Variants in SLC2A13 observed in about 807,000 individuals in gnomAD.
The protein encoded by SLC2A13 is solute carrier family 2 member 13.
Under a neutral mutation model 64.4 loss-of-function variants are expected in SLC2A13, and 32 were observed. That is an observed-to-expected ratio of 0.50 (90% CI 0.37 to 0.67). The LOEUF (loss-of-function observed/expected upper bound fraction) is 0.67. Ranked by LOEUF, SLC2A13 falls within the 30% of genes least tolerant of loss-of-function variation. The pLI is 0.00. For synonymous variants in SLC2A13, 338 were observed against 327.1 expected, an observed-to-expected ratio of 1.03 and a Z score of -0.36; for missense variants, 743 against 829.2, an observed-to-expected ratio of 0.90 and a Z score of 1.28.
At chr12:39,840,729 T>G (rs1233484833) in intron 6 of SLC2A13, among the ~76,000 whole-genome samples, 2 of 152,224 alleles carry the variant, frequency 1.3e-5, no homozygotes, top group East Asian at 3.9e-4. Context: ...ATTATTATCA[T>G]GCATTCCATG....
At chr12:39,854,243 T>C (rs910355228) in intron 6 of SLC2A13, among the ~76,000 whole-genome samples, 14 of 151,950 alleles carry the variant, frequency 9.2e-5, no homozygotes, top group Non-Finnish European at 1.9e-4. Context: ...TAAAATTGGA[T>C]AATAATAATA....
intron 1 of SLC2A13, among the ~76,000 whole-genome samples, chr12:40,100,767 C>G (rs1182583551): frequency 6.6e-6 from 1 of 151,860 alleles, no homozygotes; most frequent in Non-Finnish European, 1.5e-5. Context: ...AGTTCGAGAC[C>G]AGCTTGGCCA....
At chr12:40,003,980 C>T (rs1442663386) in intron 3 of SLC2A13, among the ~76,000 whole-genome samples, 10 of 151,058 alleles carry the variant, frequency 6.6e-5, no homozygotes, top group African/African-American at 2.2e-4. Flanking sequence ...GCAATGAGAG[C>T]AAAACTCCAT....
intron 7 of SLC2A13, among the ~76,000 whole-genome samples, chr12:39,768,314 G>A (rs1308128897): frequency 6.6e-6 from 1 of 152,158 alleles, no homozygotes; most frequent in South Asian, 2.1e-4. Context: ...TCTTCATATC[G>A]GCAATAAGGC....
At chr12:40,028,564 C>G in intron 2 of SLC2A13, 55 bp from the exon 3 acceptor site, 1 of 1,546,754 alleles carries the variant, frequency 6.5e-7, no homozygotes, top group Non-Finnish European at 8.9e-7. Context: ...CCATCATGTG[C>G]TCACCACATA....
intron 4 of SLC2A13, among the ~76,000 whole-genome samples, chr12:39,874,076 G>A (rs1466647519): frequency 6.6e-6 from 1 of 152,094 alleles, no homozygotes; most frequent in Admixed American, 6.6e-5. Context: ...TTAATATCAC[G>A]ACACATAAAA....
chr12:40,036,122 A>G (rs1947980000), intron 2 of SLC2A13, among the ~76,000 whole-genome samples: 1 of 152,208 alleles, frequency 6.6e-6, no homozygotes, highest in Admixed American at 6.5e-5. Flanking sequence ...CCTATACTCC[A>G]GTAATCATCA....
intron 7 of SLC2A13, among the ~76,000 whole-genome samples, chr12:39,775,455 A>C (rs1320526209): frequency 6.6e-6 from 1 of 152,240 alleles, no homozygotes; most frequent in Admixed American, 6.5e-5. Flanking sequence ...TGTGAAGTTA[A>C]CAGGCTACGG....
At chr12:39,812,388 T>C (rs866786942) in intron 7 of SLC2A13, among the ~76,000 whole-genome samples, 39 of 124,906 alleles carry the variant, frequency 3.1e-4, no homozygotes, top group Middle Eastern at 4.5e-3. Flanking sequence ...TTTTCTTTCT[T>C]TCTCTCTCTC....
chr12:39,996,520 G>C (rs891424591), intron 3 of SLC2A13, among the ~76,000 whole-genome samples: 2 of 152,218 alleles, frequency 1.3e-5, no homozygotes, highest in Non-Finnish European at 2.9e-5. Context: ...GCATGTCAGA[G>C]GTCTTCACAG....
intron 4 of SLC2A13, among the ~76,000 whole-genome samples, chr12:39,887,335 C>A (rs190066343): frequency 2.6e-5 from 4 of 152,134 alleles, no homozygotes; most frequent in African/African-American, 9.6e-5. Flanking sequence ...AAGTTATATC[C>A]CAAAAGTACC....
Position 40,028,500 on chromosome 12 carries a change from C to T in SLC2A13, c.726G>A (p.Leu242=). 1 of 1,612,998 alleles carries T rather than the reference C, an allele frequency of 6.2e-7. No individual in the cohort carries two copies. The highest frequency in any genetic ancestry group is 8.5e-7 in the Non-Finnish European group (1 of 1,179,648). Residue 242 remains leucine, a synonymous_variant, in exon 3 of 10, where the codon TTG becomes TTA. Transcript: ENST00000280871. ...TAACCGCCGGAACTGCTGCAAGTCC[C>T]AACATGTACCTGCAAAGAAAAAAAA... is the stretch of plus-strand genomic sequence containing the variant. The part of the protein sequence containing the change: ...YLQKDGWRYM[L]GLAAVPAVIQ...
At chr12:39,992,877 A>C (rs1358815846) in intron 3 of SLC2A13, among the ~76,000 whole-genome samples, 1 of 152,228 alleles carries the variant, frequency 6.6e-6, no homozygotes, top group East Asian at 1.9e-4. Flanking sequence ...TTTCTCACAC[A>C]GAAAAACTGG....
intron 1 of SLC2A13, among the ~76,000 whole-genome samples, chr12:40,054,379 G>GA (rs1484452063): frequency 6.6e-6 from 1 of 151,966 alleles, no homozygotes; most frequent in East Asian, 1.9e-4. Flanking sequence ...GCCTGATAAA[G>GA]AAAAAACAAG....
At chr12:39,854,504 C>A (rs939425833) in intron 6 of SLC2A13, among the ~76,000 whole-genome samples, 1 of 152,172 alleles carries the variant, frequency 6.6e-6, no homozygotes, top group Non-Finnish European at 1.5e-5. Context: ...TTGCCTTTAA[C>A]ATTTATTTGT....
intron 4 of SLC2A13, among the ~76,000 whole-genome samples, chr12:39,946,910 C>T (rs1402865789): frequency 2.6e-5 from 4 of 152,190 alleles, no homozygotes; most frequent in Admixed American, 6.5e-5. Context: ...CCAAGTTCAG[C>T]TACAGAATTT....
At chr12:40,065,984 T>C (rs1222030073) in intron 1 of SLC2A13, among the ~76,000 whole-genome samples, 1 of 152,196 alleles carries the variant, frequency 6.6e-6, no homozygotes, top group Non-Finnish European at 1.5e-5. Flanking sequence ...TTTATGTGGC[T>C]AAACAGTCCC....
chr12:39,894,431 C>T (rs1944688069), intron 4 of SLC2A13, among the ~76,000 whole-genome samples: 1 of 151,922 alleles, frequency 6.6e-6, no homozygotes, highest in Non-Finnish European at 1.5e-5. Flanking sequence ...ATAAGTGAAC[C>T]CCTAATACCT....
chr12:40,035,386 T>G (rs1188637715), intron 2 of SLC2A13, among the ~76,000 whole-genome samples: 1 of 152,194 alleles, frequency 6.6e-6, no homozygotes, highest in African/African-American at 2.4e-5. Flanking sequence ...GTAACATATT[T>G]TTAAATTTTA....
Sources: allele counts gnomAD v4.1 joint callset (sites outside exome capture counted in the v4.1 genomes callset), GRCh38; gene constraint gnomAD v4.1.1; transcripts MANE v1.5; gene names NCBI Gene and HGNC (gene_info 2026-07-23, HGNC 2026-07-21).